WAS: variants seen among roughly 807,000 people sequenced by gnomAD.
The protein encoded by WAS is actin nucleation-promoting factor WAS.
In WAS, 1 loss-of-function variant was observed where a neutral mutation model predicts 38.9. The observed-to-expected ratio is 0.03, with a 90% CI of 0.01 to 0.12. The LOEUF is 0.12. Among genes scored for constraint, WAS ranks in the 10% least tolerant of loss-of-function variants. The pLI, the probability that WAS is intolerant of heterozygous loss-of-function variation, is 1.00. For synonymous variants in WAS, 182 were observed against 173.6 expected, an observed-to-expected ratio of 1.05 and a Z score of -0.38; for missense variants, 311 against 431.2, an observed-to-expected ratio of 0.72 and a Z score of 2.47.
chrX:48,678,525 C>G (rs112592174), intron 1 of WAS, among the ~76,000 whole-genome samples: 125 of 110,906 alleles, frequency 1.1e-3, no homozygotes, highest in African/African-American at 4.1e-3. Context: ...TCTGGTGCCC[C>G]TAGGGGTTGG....
upstream of WAS, among the ~76,000 whole-genome samples, chrX:48,680,889 C>A (rs782214313): frequency 5.2e-4 from 58 of 112,205 alleles, no homozygotes; most frequent in African/African-American, 1.8e-3. Flanking sequence ...AACAACAACA[C>A]CAACAACCAG....
Position 48,688,110 on chromosome X carries a change from G to C in WAS, c.777+14G>C. 1 of 1,200,078 alleles carries C rather than the reference G, an allele frequency of 8.3e-7. No homozygotes were observed. The highest frequency in any genetic ancestry group is 1.1e-6 in the Non-Finnish European group (1 of 889,015). On this transcript the variant is annotated intron_variant, in intron 8 of 11. Coordinates refer to ENST00000376701, the MANE Select transcript of WAS (RefSeq NM_000377.3). ...AATGGATTTGACGTGAGTAACTTCAGAGTCTCTTGGACTCCACTAAACTTC... is the reference window on the plus strand; with the variant it reads ...AATGGATTTGACGTGAGTAACTTCACAGTCTCTTGGACTCCACTAAACTTC...
chrX:48,684,006 C>A, intron 1 of WAS, 21 bp downstream of exon 1: 1 of 1,210,238 alleles, frequency 8.3e-7, no homozygotes, highest in Non-Finnish European at 1.1e-6. Flanking sequence ...GATCTCCTGC[C>A]CCCGCCCCGT....
upstream of WAS, among the ~76,000 whole-genome samples, chrX:48,681,179 T>G (rs908535626): frequency 3.6e-5 from 4 of 109,600 alleles, no homozygotes; most frequent in Admixed American, 9.7e-5. Context: ...GTTTTTTGTG[T>G]TTTTTTTTGA....
chrX:48,681,247 T>C (rs1459686412), upstream of WAS, among the ~76,000 whole-genome samples: 7 of 111,812 alleles, frequency 6.3e-5, no homozygotes, highest in East Asian at 2.0e-3. Flanking sequence ...CTCGGCTCAC[T>C]GCAACCTCCG....
In WAS at chrX:48,688,057, T is replaced by C; in HGVS notation, c.738T>C (p.His246=). The change falls in exon 8 of 12, where the codon CAT becomes CAC. Residue 246 remains histidine, a synonymous_variant. Coordinates refer to ENST00000376701, the MANE Select transcript of WAS (RefSeq NM_000377.3). The part of the protein sequence containing the change: ...ADIGAPSGFK[H]VSHVGWDPQN... Reference sequence around the variant, plus strand: ...GGAGTCTCTTCACCTCTCCCAGGCATGTCAGCCACGTGGGGTGGGACCCCC... The same window carrying C: ...GGAGTCTCTTCACCTCTCCCAGGCACGTCAGCCACGTGGGGTGGGACCCCC... 1 of 1,207,410 alleles carries C rather than the reference T, an allele frequency of 8.3e-7. No individual in the cohort carries two copies. The highest frequency in any genetic ancestry group is 1.8e-5 in the South Asian group (1 of 56,070).
At chrX:48,684,149 T>C (rs1189095542) in intron 1 of WAS, 134 bp from the exon 2 acceptor site, 5 of 1,103,259 alleles carry the variant, frequency 4.5e-6, no homozygotes, top group Non-Finnish European at 6.2e-6. Context: ...TCTCAATGTC[T>C]ACTTGCCTTC....
At chrX:48,679,137 A>G (rs2062396153), upstream of WAS, among the ~76,000 whole-genome samples, 1 of 109,209 alleles carries the variant, frequency 9.2e-6, no homozygotes, top group Non-Finnish European at 1.9e-5. Flanking sequence ...TCAAGCAATC[A>G]TCCCGCCTCA....
At position 48,691,138 on chromosome X, in the gene WAS, T is replaced by C. The variant is rs1188279073; in HGVS notation, c.1485T>C (p.Asp495=). ...DEGEDQAGDE[D]EDDEWDD ...GGGAGGACCAGGCTGGCGATGAAGA[T>C]GAAGATGATGAATGGGATGACTGAG... The change falls in exon 12 of 12, where the codon GAT becomes GAC. Residue 495 remains aspartate, a synonymous_variant. Coordinates refer to ENST00000376701, the MANE Select transcript of WAS (RefSeq NM_000377.3). 1.7e-6 allele frequency: 2 copies of C among 1,208,104 alleles called. No homozygotes were observed. The highest frequency in any genetic ancestry group is 3.5e-5 in the African/African-American group (2 of 56,513).
At chrX:48,684,994 C>T (rs1448303240) in intron 2 of WAS, among the ~76,000 whole-genome samples, 3 of 111,311 alleles carry the variant, frequency 2.7e-5, no homozygotes, top group Non-Finnish European at 5.7e-5. Context: ...GTTTAAGCCC[C>T]AAATTCATCC....
chrX:48,677,640 C>T (rs1448025341), intron 1 of WAS, among the ~76,000 whole-genome samples: 1 of 111,892 alleles, frequency 8.9e-6, no homozygotes, highest in African/African-American at 3.3e-5. Context: ...CTGACCACTG[C>T]GTCATTGACT....
intron 1 of WAS, 103 bp downstream of exon 1, chrX:48,684,088 A>G: frequency 1.8e-6 from 2 of 1,090,403 alleles, no homozygotes; most frequent in Non-Finnish European, 2.5e-6. Context: ...TTCCCTCTCC[A>G]TCATCTCCTC....
chrX:48,677,249 G>T (rs1481771609), intron 1 of WAS, among the ~76,000 whole-genome samples: 1 of 110,903 alleles, frequency 9.0e-6, no homozygotes, highest in Non-Finnish European at 1.9e-5. Flanking sequence ...TGCAGCAGGG[G>T]AAAGAAAAGG....
At chrX:48,676,790 G>T (rs781854967) in intron 1 of WAS, 1 of 112,838 alleles carries the variant, frequency 8.9e-6, no homozygotes, top group Admixed American at 9.2e-5. Context: ...GTGCGGCCCC[G>T]GGTGGACGCT....
At chrX:48,687,133 C>T (rs782001133) in intron 7 of WAS, among the ~76,000 whole-genome samples, 178 bp downstream of exon 7, 5 of 110,883 alleles carry the variant, frequency 4.5e-5, no homozygotes, top group Non-Finnish European at 7.6e-5. Flanking sequence ...GTAAATAAGG[C>T]ACCAAGGGTA....
At chrX:48,684,637 C>G (rs1219368974) in intron 2 of WAS, among the ~76,000 whole-genome samples, 1 of 111,796 alleles carries the variant, frequency 8.9e-6, no homozygotes, top group Non-Finnish European at 1.9e-5. Context: ...CTCTAAAGCC[C>G]CCAGTATTAG....
At chrX:48,680,039 C>A (rs2062397811), upstream of WAS, among the ~76,000 whole-genome samples, 1 of 111,522 alleles carries the variant, frequency 9.0e-6, no homozygotes, top group South Asian at 3.8e-4. Flanking sequence ...GACTGCAGCA[C>A]TGATTGGCCA....
chrX:48,685,456 C>G, intron 2 of WAS, 91 bp from the exon 3 acceptor site: 1 of 676,252 alleles, frequency 1.5e-6, no homozygotes, highest in Non-Finnish European at 2.3e-6. Flanking sequence ...GCTCCCAAAT[C>G]CAGACACCCT....
rs782794812 is a variant in WAS, at chrX:48,683,942, A to G, written c.89A>G (p.His30Arg). 8.3e-7 allele frequency: 1 copy of G among 1,211,276 alleles called. No individual in the cohort carries two copies. The highest frequency in any genetic ancestry group is 2.2e-5 in the Admixed American group (1 of 45,971). Reference protein sequence around the residue: ...QNIPSTLLQDHENQRLFEMLG... With the variant: ...QNIPSTLLQDRENQRLFEMLG... The stretch of plus-strand genomic sequence containing the variant: ...ATACCCTCCACCCTCCTCCAGGACC[A>G]CGAGAACCAGCGACTCTTTGAGATG... Residue 30 changes from histidine to arginine, a missense_variant, in exon 1 of 12, where the codon CAC (histidine) becomes CGC (arginine). Physicochemically the swap from His to Arg is conservative, Grantham distance 29. Around this residue, in one of 4 missense-constraint regions of WAS, gnomAD observed 64 missense variants for 122.5 expected, o/e 0.52. Coordinates refer to ENST00000376701, the MANE Select transcript of WAS (RefSeq NM_000377.3).
Sources: gnomAD v4.1 joint callset for allele counts (sites outside exome capture counted in the v4.1 genomes callset) on GRCh38, gnomAD v4.1.1 for gene constraint, gnomAD v4.1.1 regional missense constraint, MANE v1.5 for transcripts, NCBI Gene and HGNC (gene_info 2026-07-23, HGNC 2026-07-21) for gene names.